Variants in CCDC171 observed in about 807,000 individuals in gnomAD.
CCDC171 encodes the protein coiled-coil domain-containing protein 171.
CCDC171 carries 177 observed loss-of-function variants against 168.2 expected under a neutral mutation model. The ratio of observed to expected loss-of-function variants is 1.05; its 90% CI spans 0.93 to 1.19. CCDC171 has a LOEUF of 1.19. Among genes scored for constraint, CCDC171 ranks in the 50% most tolerant of loss-of-function variants. The pLI is 0.00. For missense variants in CCDC171, 1,991 were observed against 1,539.0 expected, an observed-to-expected ratio of 1.29 and a Z score of -4.91; for synonymous variants, 687 against 540.8, an observed-to-expected ratio of 1.27 and a Z score of -3.75.
At chr9:15,793,915 C>G (rs2058414812) in intron 21 of CCDC171, among the ~76,000 whole-genome samples, 1 of 152,126 alleles carries the variant, frequency 6.6e-6, no homozygotes, top group East Asian at 1.9e-4. Context: ...GGGGCATAGA[C>G]AGTAATATTT....
intron 24 of CCDC171, among the ~76,000 whole-genome samples, chr9:15,909,767 A>G (rs921015010): frequency 3.3e-5 from 5 of 152,204 alleles, no homozygotes; most frequent in Middle Eastern, 3.2e-3. Context: ...TGAAGAAAAT[A>G]ATGAAATTTC....
exon 4 of CCDC171, chr9:16,020,598 G>T (rs12003987): frequency 0.018 from 2,775 of 154,336 alleles, 80 homozygotes; most frequent in African/African-American, 0.061. Context: ...GCAGCACTAC[G>T]TTTGCACTTT....
chr9:15,931,364 C>T (rs902432700), intron 25 of CCDC171, among the ~76,000 whole-genome samples: 1 of 150,800 alleles, frequency 6.6e-6, no homozygotes, highest in Admixed American at 6.6e-5. Flanking sequence ...TTTTCATATG[C>T]CTGTTATCTA....
At chr9:16,082,007 A>C in the CCDC171 span, among the ~76,000 whole-genome samples, 1 of 152,186 alleles carries the variant, frequency 6.6e-6, no homozygotes, top group Non-Finnish European at 1.5e-5. Flanking sequence ...AACATGTCTT[A>C]TAAGTAATAC....
intron 6 of CCDC171, among the ~76,000 whole-genome samples, chr9:15,599,572 G>T (rs557222468): frequency 1.3e-5 from 2 of 152,276 alleles, no homozygotes; most frequent in South Asian, 2.1e-4. Flanking sequence ...CTGTCTGGCT[G>T]CCCTTAACAT....
At chr9:15,698,993 C>G (rs937065918) in intron 11 of CCDC171, among the ~76,000 whole-genome samples, 18 of 152,224 alleles carry the variant, frequency 1.2e-4, no homozygotes, top group African/African-American at 4.3e-4. Context: ...GGATAAATAT[C>G]TGTAGTGGGA....
intron 25 of CCDC171, among the ~76,000 whole-genome samples, chr9:15,944,883 T>TCTTTCTTTCTTTCTTTCTTA (rs1554691548): frequency 6.6e-6 from 1 of 151,444 alleles, no homozygotes; most frequent in Non-Finnish European, 1.5e-5. Context: ...TTTCTTTCTT[T>TCTTTCTTTCTTTCTTTCTTA]CTTTTTTATC....
At chr9:15,623,147 A>G in intron 6 of CCDC171, 120 bp from the exon 7 acceptor site, 3 of 609,676 alleles carry the variant, frequency 4.9e-6, no homozygotes, top group Non-Finnish European at 7.9e-6. Context: ...TTGCCTATAT[A>G]AATTAACCTA....
chr9:15,649,592 A>G (rs1485047422), intron 7 of CCDC171, among the ~76,000 whole-genome samples: 4 of 152,242 alleles, frequency 2.6e-5, no homozygotes, highest in African/African-American at 9.6e-5. Flanking sequence ...GGTGAAGGAT[A>G]TGAACAGACA....
chr9:15,894,787 C>T (rs903982330), intron 24 of CCDC171, among the ~76,000 whole-genome samples: 7 of 152,116 alleles, frequency 4.6e-5, no homozygotes, highest in Non-Finnish European at 8.8e-5. Flanking sequence ...TTGAAGACTT[C>T]TCTCATTCCT....
rs575073227 is a variant in CCDC171, at chr9:15,725,224, A to G, written c.1692+248A>G. 1.0e-3 allele frequency among the ~76,000 whole-genome samples: 152 copies of G among 152,248 alleles called. 1 individual carries two copies. The highest frequency in any genetic ancestry group is 3.7e-3 in the African/African-American group (152 of 41,562). On this transcript the variant is annotated intron_variant, in intron 14 of 25. Transcript: ENST00000380701. ...TGTACAACTATCTTTTTGGACTTTT[A>G]GAATATTGTAACTCAAGTAACTATG...
intron 3 of CCDC171, among the ~76,000 whole-genome samples, chr9:15,993,755 AC>A (rs768984492): frequency 4.6e-5 from 7 of 152,232 alleles, no homozygotes; most frequent in African/African-American, 1.4e-4. Context: ...CAAGAAAAAA[AC>A]AACCCCATCA....
At chr9:15,625,934 T>C (rs1394587352) in intron 7 of CCDC171, among the ~76,000 whole-genome samples, 3 of 152,244 alleles carry the variant, frequency 2.0e-5, no homozygotes, top group Admixed American at 2.0e-4. Context: ...ACGATATTGC[T>C]TCTTCCTAAC....
intron 2 of CCDC171, among the ~76,000 whole-genome samples, chr9:15,571,022 C>T (rs1173772117): frequency 6.6e-6 from 1 of 152,132 alleles, no homozygotes; most frequent in African/African-American, 2.4e-5. Flanking sequence ...CTGTTTTCTG[C>T]TCTACTTTTA....
At chr9:15,779,344 G>A (rs1224962779) in intron 20 of CCDC171, among the ~76,000 whole-genome samples, 194 bp downstream of exon 20, 2 of 152,030 alleles carry the variant, frequency 1.3e-5, no homozygotes, top group African/African-American at 2.4e-5. Context: ...AGGCGGGGGA[G>A]TGGGGAGAGA....
intron 2 of CCDC171, among the ~76,000 whole-genome samples, chr9:15,569,056 C>G (rs2039987517): frequency 6.6e-6 from 1 of 152,168 alleles, no homozygotes; most frequent in South Asian, 2.1e-4. Context: ...TTGTATAAAA[C>G]CTATTTATTT....
the CCDC171 span, among the ~76,000 whole-genome samples, chr9:16,076,614 C>A: frequency 6.6e-6 from 1 of 152,222 alleles, no homozygotes; most frequent in Non-Finnish European, 1.5e-5. Flanking sequence ...CTCAGCCCTT[C>A]CCTCAGCACA....
At position 15,972,266 on chromosome 9, in the gene CCDC171, CATGGTT is replaced by C; in HGVS notation, c.*431_*436del. 6.1e-6 allele frequency: 1 copy of C among 163,260 alleles called. No individual in the cohort carries two copies. The allele number at this position is 163,260 out of a possible 1,614,324, so 10.1% of individuals were successfully genotyped here. ...TCCTGTCATTTCATGGCAGCCCGGC[CATGGTT>C]CACTGAGCCCCCTCTTCTCTCTTGT... On this transcript the variant is annotated 3_prime_UTR_variant, in exon 26 of 26. Transcript: ENST00000380701.
chr9:15,769,805 T>G (rs968951416), intron 18 of CCDC171, among the ~76,000 whole-genome samples: 9 of 152,234 alleles, frequency 5.9e-5, no homozygotes, highest in African/African-American at 2.2e-4. Context: ...CTTTTCAGTA[T>G]TCTCTAAATA....
Sources: allele counts gnomAD v4.1 joint callset (sites outside exome capture counted in the v4.1 genomes callset), GRCh38; gene constraint gnomAD v4.1.1; transcripts MANE v1.5; gene names NCBI Gene and HGNC (gene_info 2026-07-23, HGNC 2026-07-21).